The following RSU1 variants were observed in gnomAD, a reference collection of about 807,000 sequenced individuals.
RSU1 encodes the protein Ras suppressor protein 1.
In RSU1, 26 loss-of-function variants were observed where a neutral mutation model predicts 31.1. That is an observed-to-expected ratio of 0.84 (90% confidence interval 0.61 to 1.16). The LOEUF is 1.16. Among genes scored for constraint, RSU1 ranks in the 50% most tolerant of loss-of-function variants. The pLI is 0.00. For missense variants in RSU1, 320 were observed against 339.1 expected (o/e 0.94, Z 0.44); for synonymous variants, 164 against 136.3 (o/e 1.20, Z -1.41).
chr10:16,812,187 A>G lies in RSU1; in HGVS notation c.109+4786T>C, dbSNP rs149648694. On this transcript the variant is annotated intron_variant, in intron 2 of 8. Transcript: ENST00000345264. ...CCGGGCACAGTGGCTCACGCCTGTA[A>G]TCCCAGAACTTTGGGAGGCCAAGGC... Among the ~76,000 whole-genome samples, 63 of 152,364 alleles carry G rather than the reference A, an allele frequency of 4.1e-4. 1 individual carries two copies. In the East Asian group the frequency reaches 0.011, roughly 28 times the overall value.
chr10:16,749,113 G>A (rs1323987243), intron 7 of RSU1, among the ~76,000 whole-genome samples: 1 of 152,182 alleles, frequency 6.6e-6, no homozygotes, highest in African/African-American at 2.4e-5. Flanking sequence ...ATAAATGAAT[G>A]AATGGGTACA....
At chr10:16,801,785 A>T (rs1838160654) in intron 2 of RSU1, among the ~76,000 whole-genome samples, 1 of 152,150 alleles carries the variant, frequency 6.6e-6, no homozygotes, top group Non-Finnish European at 1.5e-5. Flanking sequence ...TCTAAATAAC[A>T]TGTCAAAGAA....
intron 2 of RSU1, among the ~76,000 whole-genome samples, chr10:16,791,907 C>A (rs1837924883): frequency 6.6e-6 from 1 of 152,134 alleles, no homozygotes; most frequent in Non-Finnish European, 1.5e-5. Context: ...TTCAATCTGG[C>A]AAATTAGGAA....
At chr10:16,626,460 C>T (rs949813190) in intron 8 of RSU1, among the ~76,000 whole-genome samples, 3 of 152,174 alleles carry the variant, frequency 2.0e-5, no homozygotes, top group African/African-American at 7.2e-5. Context: ...GCCACCATGC[C>T]TGATCAATCC....
At chr10:16,607,520 G>A in intron 8 of RSU1, among the ~76,000 whole-genome samples, 1 of 152,176 alleles carries the variant, frequency 6.6e-6, no homozygotes, top group East Asian at 1.9e-4. Flanking sequence ...TCCCCAAACA[G>A]AAAAAGGAGG....
At chr10:16,662,961 T>G (rs983390529) in intron 8 of RSU1, among the ~76,000 whole-genome samples, 2 of 145,990 alleles carry the variant, frequency 1.4e-5, no homozygotes, top group Non-Finnish European at 3.0e-5. Flanking sequence ...CGGGGGCATC[T>G]CTCAGCAATC....
chr10:16,687,309 A>G (rs530500710), intron 8 of RSU1, among the ~76,000 whole-genome samples: 1 of 152,340 alleles, frequency 6.6e-6, no homozygotes, highest in South Asian at 2.1e-4. Flanking sequence ...ACAGAATCCA[A>G]GTGTCCTGGA....
chr10:16,717,130 T>A (rs1836158764), intron 7 of RSU1, among the ~76,000 whole-genome samples: 1 of 152,212 alleles, frequency 6.6e-6, no homozygotes, highest in African/African-American at 2.4e-5. Context: ...GGGATCAACC[T>A]ACTATACAGA....
chr10:16,726,867 G>C (rs1330984691), intron 7 of RSU1, among the ~76,000 whole-genome samples: 2 of 152,062 alleles, frequency 1.3e-5, no homozygotes, highest in Non-Finnish European at 2.9e-5. Flanking sequence ...TGGATGAAGC[G>C]AGCCAGTAGG....
chr10:16,801,102 A>T (rs1283542016), intron 2 of RSU1, among the ~76,000 whole-genome samples: 1 of 151,528 alleles, frequency 6.6e-6, no homozygotes, highest in Non-Finnish European at 1.5e-5. Flanking sequence ...TTTTTTAAAA[A>T]AAAAAACAGG....
rs541629434 is a variant in RSU1 at position 16,782,148 on chromosome 10, T to C, written c.110-64A>G. The C allele has an allele frequency of 6.8e-6, 9 of 1,332,324 alleles. No individual in the cohort carries two copies. In the South Asian group the frequency reaches 9.9e-5, roughly 15 times the overall value. 82.5% of individuals were successfully genotyped at this position (1,332,324 alleles called of 1,614,324 possible). A position where few individuals can be genotyped will look rare whatever the true frequency, so the allele number is the denominator to read the frequency against. ...TGTATCACTGTATCCGGATTCTACC[T>C]GTACTCCTACAAAGCAAACGGCAAA... On this transcript the variant is annotated intron_variant, in intron 2 of 8. Transcript: ENST00000345264.
intron 8 of RSU1, among the ~76,000 whole-genome samples, chr10:16,645,687 A>G (rs1834524630): frequency 6.6e-6 from 1 of 151,204 alleles, no homozygotes; most frequent in African/African-American, 2.4e-5. Context: ...CACACCTGTA[A>G]TCCCAACTAC....
At chr10:16,602,113 A>G (rs1398642226) in intron 8 of RSU1, among the ~76,000 whole-genome samples, 1 of 152,152 alleles carries the variant, frequency 6.6e-6, no homozygotes, top group Non-Finnish European at 1.5e-5. Context: ...CCCCTCTGCA[A>G]CTGAGATCTC....
At chr10:16,809,255 C>G (rs973404121) in intron 2 of RSU1, among the ~76,000 whole-genome samples, 18 of 152,198 alleles carry the variant, frequency 1.2e-4, no homozygotes, top group Non-Finnish European at 1.5e-4. Context: ...ATCAGCACTT[C>G]TCTATTCAGA....
At chr10:16,805,458 TGAG>T (rs1036011131) in intron 2 of RSU1, among the ~76,000 whole-genome samples, 2 of 151,576 alleles carry the variant, frequency 1.3e-5, no homozygotes, top group Admixed American at 6.6e-5. Flanking sequence ...GATCACGACG[TGAG>T]GAGATCGAGA....
intron 7 of RSU1, among the ~76,000 whole-genome samples, chr10:16,743,836 T>C (rs987452424): frequency 6.6e-6 from 1 of 152,150 alleles, no homozygotes; most frequent in Non-Finnish European, 1.5e-5. Context: ...CTTAAGGAAA[T>C]AGTTAAAAGA....
chr10:16,754,489 G>T (rs1449262918), intron 5 of RSU1, among the ~76,000 whole-genome samples: 1 of 151,308 alleles, frequency 6.6e-6, no homozygotes, highest in South Asian at 2.1e-4. Flanking sequence ...ATAAATAATT[G>T]GTTGGAATAT....
intron 7 of RSU1, chr10:16,723,020 A>G (rs1335464364): frequency 1.3e-5 from 2 of 151,128 alleles, no homozygotes; most frequent in Non-Finnish European, 2.9e-5. Context: ...AAACATACAC[A>G]CATATATGTA....
chr10:16,614,112 A>G (rs556997908), intron 8 of RSU1, among the ~76,000 whole-genome samples: 1 of 152,362 alleles, frequency 6.6e-6, no homozygotes, highest in South Asian at 2.1e-4. Flanking sequence ...AACAAGAAGT[A>G]CAAAGTAGGT....
Sources: allele counts gnomAD v4.1 joint callset (sites outside exome capture counted in the v4.1 genomes callset), GRCh38; gene constraint gnomAD v4.1.1; transcripts MANE v1.5; gene names NCBI Gene and HGNC (gene_info 2026-07-23, HGNC 2026-07-21).